The following TSC22D1 variants were observed in gnomAD, a reference collection of about 807,000 sequenced individuals.
TSC22D1 encodes TSC22 domain family member 1.
Under a neutral mutation model 74.2 loss-of-function variants are expected in TSC22D1, and 9 were observed. That is an observed-to-expected ratio of 0.12 (90% CI 0.07 to 0.21). The LOEUF is 0.21. TSC22D1 is among the 10% of genes least tolerant of loss of function. The pLI, the probability that TSC22D1 is intolerant of heterozygous loss-of-function variation, is 1.00. For synonymous variants in TSC22D1, 586 were observed against 492.5 expected, an observed-to-expected ratio of 1.19 and a Z score of -2.51; for missense variants, 1,427 against 1,304.7, an observed-to-expected ratio of 1.09 and a Z score of -1.44.
chr13:44,434,935 CTTTTG>C (rs1420885060), intron 2 of TSC22D1, 52 bp from the exon 3 acceptor site: 1 of 1,475,796 alleles, frequency 6.8e-7, no homozygotes, highest in Non-Finnish European at 9.2e-7. Context: ...TTTCTGGACT[CTTTTG>C]AGTTTCCAAG....
intron 1 of TSC22D1, among the ~76,000 whole-genome samples, chr13:44,438,039 T>G (rs1199556283): frequency 3.9e-5 from 6 of 152,198 alleles, no homozygotes; most frequent in African/African-American, 1.4e-4. Context: ...TTAAAATACT[T>G]GCAGGGATGC....
chr13:44,527,169 T>C (rs1490203448), intron 1 of TSC22D1, among the ~76,000 whole-genome samples: 7 of 152,070 alleles, frequency 4.6e-5, no homozygotes, highest in African/African-American at 1.4e-4. Flanking sequence ...AGACCTGTCT[T>C]GAAAAAAATG....
intron 1 of TSC22D1, chr13:44,538,417 G>T (rs1050244596): frequency 1.0e-6 from 1 of 984,950 alleles, no homozygotes; most frequent in African/African-American, 1.8e-5. Context: ...TCAGTGTCAG[G>T]CAACAAAAAA....
chr13:44,508,670 A>G (rs1412896251), intron 1 of TSC22D1, among the ~76,000 whole-genome samples: 2 of 152,102 alleles, frequency 1.3e-5, no homozygotes, highest in Admixed American at 6.5e-5. Flanking sequence ...TATTCACAGT[A>G]TAATAGGAAC....
rs192522821 is a variant in TSC22D1 at position 44,456,260 on chromosome 13, C to T, written c.2913-20165G>A. 7.2e-5 allele frequency among the ~76,000 whole-genome samples: 11 copies of T among 152,290 alleles called. No individual in the cohort carries two copies. The East Asian group carries it at 9.6e-4, about 13-fold the overall frequency. On this transcript the variant is annotated intron_variant, in intron 1 of 2. Transcript: ENST00000458659. ...CGGAGAAGAAGACCCGAGCGGGTTG[C>T]TGCTGCTGGCTGGAGTAGCCAGCTT...
rs751520856 is a variant in TSC22D1, at chr13:44,575,778, C to A, written c.297G>T (p.Ala99=). 1 of 1,614,184 alleles carries A rather than the reference C, an allele frequency of 6.2e-7. No individual in the cohort carries two copies. The highest frequency in any genetic ancestry group is 1.7e-5 in the Admixed American group (1 of 60,022). The change falls in exon 1 of 3, where the codon GCG becomes GCT. Residue 99 remains alanine, a synonymous_variant. Transcript: ENST00000458659. ...SQAQLQAQPL[A]PGGTQMKKKS... ...TCTTTTTCATTTGAGTTCCGCCTGG[C>A]GCAAGAGGCTGTGCCTGCAGCTGAG...
chr13:44,534,495 A>T (rs1881037186), intron 1 of TSC22D1, among the ~76,000 whole-genome samples: 1 of 151,972 alleles, frequency 6.6e-6, no homozygotes, highest in Non-Finnish European at 1.5e-5. Flanking sequence ...ATTTAATTCT[A>T]GGGGGAAAAG....
chr13:44,525,899 T>C (rs906602069), intron 1 of TSC22D1, among the ~76,000 whole-genome samples: 1 of 151,760 alleles, frequency 6.6e-6, no homozygotes, highest in Non-Finnish European at 1.5e-5. Context: ...CTCAGGAGTT[T>C]GAACCTAGTC....
intron 1 of TSC22D1, among the ~76,000 whole-genome samples, chr13:44,441,258 C>T (rs963664003): frequency 6.6e-6 from 1 of 152,122 alleles, no homozygotes. Flanking sequence ...GGAGAGCTTC[C>T]GTGCTAATGA....
chr13:44,440,743 G>A (rs1157786798), intron 1 of TSC22D1, among the ~76,000 whole-genome samples: 1 of 152,030 alleles, frequency 6.6e-6, no homozygotes, highest in African/African-American at 2.4e-5. Context: ...AAGGACACAA[G>A]TCTCCAGTTA....
chr13:44,527,427 C>G (rs1430030672), intron 1 of TSC22D1, among the ~76,000 whole-genome samples: 1 of 151,908 alleles, frequency 6.6e-6, no homozygotes, highest in Non-Finnish European at 1.5e-5. Context: ...TATAAGGTAC[C>G]AGCACTGCCC....
intron 1 of TSC22D1, among the ~76,000 whole-genome samples, chr13:44,473,345 A>T (rs1877713856): frequency 6.6e-6 from 1 of 151,964 alleles, no homozygotes; most frequent in Non-Finnish European, 1.5e-5. Flanking sequence ...AAATACAAAA[A>T]TTAGCTGGGC....
At chr13:44,440,443 T>A (rs1407206885) in intron 1 of TSC22D1, among the ~76,000 whole-genome samples, 1 of 151,634 alleles carries the variant, frequency 6.6e-6, no homozygotes, top group Non-Finnish European at 1.5e-5. Flanking sequence ...ACAAATAAAT[T>A]AGCTGGGCGT....
intron 1 of TSC22D1, among the ~76,000 whole-genome samples, chr13:44,572,650 A>G (rs1433093296): frequency 6.6e-6 from 1 of 152,228 alleles, no homozygotes; most frequent in Non-Finnish European, 1.5e-5. Context: ...AGGGCAACCT[A>G]TATAACCCAG....
intron 1 of TSC22D1, among the ~76,000 whole-genome samples, chr13:44,517,857 A>ATATATATATTTTT (rs10627677): frequency 6.2e-5 from 1 of 16,172 alleles, no homozygotes; most frequent in Non-Finnish European, 1.4e-4. Context: ...ATATATATAT[A>ATATATATATTTTT]TTTTTTTTTT....
intron 1 of TSC22D1, among the ~76,000 whole-genome samples, chr13:44,525,220 G>A (rs1224661605): frequency 1.3e-5 from 2 of 152,092 alleles, no homozygotes; most frequent in Non-Finnish European, 2.9e-5. Context: ...TATTCTCCCC[G>A]CTCCACAACA....
At chr13:44,522,270 G>A (rs1880352592) in intron 1 of TSC22D1, among the ~76,000 whole-genome samples, 1 of 152,112 alleles carries the variant, frequency 6.6e-6, no homozygotes, top group South Asian at 2.1e-4. Context: ...GGGTAAAGTT[G>A]GAAGAAAAGG....
Position 44,573,730 on chromosome 13 carries a change from G to T in TSC22D1, c.2345C>A (p.Pro782Gln). The change falls in exon 1 of 3, where the codon CCA becomes CAA. Residue 782 changes from proline (P) to glutamine (Q), a missense_variant. By Grantham distance (76) the Pro-to-Gln change is moderately conservative. Coordinates refer to ENST00000458659, the MANE Select transcript of TSC22D1 (RefSeq NM_183422.4). Reference protein sequence around the residue: ...IIHQGVQTSAPSLPQQLVIAS... With the variant: ...IIHQGVQTSAQSLPQQLVIAS... Reference sequence around the variant, plus strand: ...AATAACCAATTGTTGAGGAAGGCTTGGAGCACTAGTTTGAACTCCCTGATG... The same window carrying T: ...AATAACCAATTGTTGAGGAAGGCTTTGAGCACTAGTTTGAACTCCCTGATG... The T allele has an allele frequency of 6.2e-7, 1 of 1,614,216 alleles. No individual in the cohort carries two copies. Among genetic ancestry groups the T allele is most frequent in the Non-Finnish European group, 8.5e-7 (1 of 1,180,042 alleles).
In TSC22D1 at chr13:44,496,915, A is replaced by T. The variant is rs117451872; in HGVS notation, c.2913-60820T>A. ...GCTACAATCAAAAATATGGAAAATA[A>T]CAAGTGTTGGTGAGGATGAGAAGAA... On this transcript the variant is annotated intron_variant, in intron 1 of 2. Coordinates refer to ENST00000458659, the MANE Select transcript of TSC22D1 (RefSeq NM_183422.4). Among the ~76,000 whole-genome samples, 295 of 152,244 alleles carry T rather than the reference A, an allele frequency of 1.9e-3. 2 individuals are homozygous for T. Among genetic ancestry groups the T allele is most frequent in the Non-Finnish European group, 3.5e-3 (236 of 68,014 alleles).
Sources: gnomAD v4.1 joint callset for allele counts (sites outside exome capture counted in the v4.1 genomes callset) on GRCh38, gnomAD v4.1.1 for gene constraint, MANE v1.5 for transcripts, NCBI Gene and HGNC (gene_info 2026-07-23, HGNC 2026-07-21) for gene names.